Variants in ADAMTS13 observed in about 807,000 individuals in gnomAD.
ADAMTS13 encodes ADAM metallopeptidase with thrombospondin type 1 motif 13.
A neutral mutation model predicts 155.1 loss-of-function variants in ADAMTS13; 110 were observed. The ratio of observed to expected loss-of-function variants is 0.71; its 90% CI spans 0.61 to 0.83. ADAMTS13 has a LOEUF of 0.83. Among genes scored for constraint, ADAMTS13 ranks in the 40% least tolerant of loss-of-function variants. ADAMTS13 has a pLI of 0.00. For missense variants in ADAMTS13, 1,707 were observed against 1,891.7 expected (o/e 0.90, Z 1.81); for synonymous variants, 758 against 756.4 (o/e 1.00, Z -0.03).
intron 7 of ADAMTS13, among the ~76,000 whole-genome samples, chr9:133,429,039 CG>C (rs1840504576): frequency 6.6e-6 from 1 of 151,346 alleles, no homozygotes; most frequent in Non-Finnish European, 1.5e-5. Flanking sequence ...GTCCCCACTC[CG>C]CATTCAGCCC....
intron 11 of ADAMTS13, among the ~76,000 whole-genome samples, chr9:133,434,866 T>A (rs782673872): frequency 3.9e-5 from 6 of 152,188 alleles, no homozygotes; most frequent in Non-Finnish European, 7.4e-5. Context: ...ACATGCCACG[T>A]ACCTGAGGCC....
At chr9:133,443,232 C>A (rs1841810837) in intron 18 of ADAMTS13, 144 bp from the exon 19 acceptor site, 1 of 1,043,660 alleles carries the variant, frequency 9.6e-7, no homozygotes, top group South Asian at 1.4e-5. Flanking sequence ...CGTCTGGCAG[C>A]CTGGGAACAC....
intron 21 of ADAMTS13, among the ~76,000 whole-genome samples, chr9:133,448,147 G>T (rs1289243986): frequency 6.6e-6 from 1 of 151,830 alleles, no homozygotes; most frequent in Non-Finnish European, 1.5e-5. Context: ...GCACCACCAC[G>T]CTCAGCTAAT....
chr9:133,429,801 G>A, intron 7 of ADAMTS13, 138 bp from the exon 8 acceptor site: 2 of 1,181,508 alleles, frequency 1.7e-6, no homozygotes, highest in Non-Finnish European at 1.2e-6. Context: ...GGTGGGGGGC[G>A]CGGGCCGAGA....
At chr9:133,423,613 C>T (rs1212299045) in intron 2 of ADAMTS13, among the ~76,000 whole-genome samples, 1 of 152,236 alleles carries the variant, frequency 6.6e-6, no homozygotes. Flanking sequence ...TGTCTGTGAC[C>T]TTCTCCGGTG....
chr9:133,418,242 C>G, upstream of ADAMTS13: 5 of 277,862 alleles, frequency 1.8e-5, no homozygotes, highest in South Asian at 2.1e-4. Context: ...CGGAAGGGAA[C>G]TGGGGGGCCG....
intron 1 of ADAMTS13, chr9:133,415,837 G>T (rs587661592): frequency 1.3e-5 from 2 of 152,166 alleles, no homozygotes; most frequent in African/African-American, 2.4e-5. Flanking sequence ...GGCTGCCCAC[G>T]GGAATTTGAC....
chr9:133,448,717 G>GTGCCC lies in ADAMTS13; in HGVS notation c.2854_2858dup (p.Arg954LeufsTer13). 6.2e-7 allele frequency: 1 copy of GTGCCC among 1,601,714 alleles called. No homozygotes were observed. The highest frequency in any genetic ancestry group is 8.5e-7 in the Non-Finnish European group (1 of 1,179,802). On this transcript the variant is annotated frameshift_variant, in exon 22 of 29. Transcript: ENST00000355699. LOFTEE classifies it high-confidence loss of function. ...GGCGGGAGGTCTGCCAGGCTGTCCC[G>GTGCCC]TGCCCTGCTCGGTGAGTGAGGGGAG...
chr9:133,450,192 G>A (rs1031163226), intron 23 of ADAMTS13, among the ~76,000 whole-genome samples: 1 of 152,152 alleles, frequency 6.6e-6, no homozygotes, highest in East Asian at 1.9e-4. Context: ...CAGCGCTATG[G>A]AAGGCTGAAG....
intron 11 of ADAMTS13, 51 bp from the exon 12 acceptor site, chr9:133,436,778 A>ACCCCCCCCCCCCCCCCCCCCCCTC: frequency 2.3e-6 from 1 of 433,948 alleles, no homozygotes; most frequent in South Asian, 1.6e-5. Context: ...CAGTGACAAC[A>ACCCCCCCCCCCCCCCCCCCCCCTC]CCCGCCCCCC....
Position 133,445,636 on chromosome 9 carries a change from G to A in ADAMTS13, c.2611-63G>A. On this transcript the variant is annotated intron_variant, in intron 20 of 28. Transcript: ENST00000355699. This position sits in a 1 kb window ranked among gnomAD's most constrained non-coding sequence, Gnocchi z 5.0. ...CTCTGCTGCTGCCTGAGAAGATCGA[G>A]ACGGGGATCGCTGGGTCCTCAGAGG... is the stretch of plus-strand genomic sequence containing the variant. 6.2e-7 allele frequency: 1 copy of A among 1,611,184 alleles called. No homozygotes were observed. Among genetic ancestry groups the A allele is most frequent in the Non-Finnish European group, 8.5e-7 (1 of 1,179,564 alleles).
chr9:133,435,408 G>A (rs1473065712), intron 11 of ADAMTS13, among the ~76,000 whole-genome samples: 6 of 151,600 alleles, frequency 4.0e-5, no homozygotes, highest in Admixed American at 3.3e-4. Context: ...AGGATGGTCT[G>A]GATCTCCTGA....
rs1554790059 is a variant in ADAMTS13, at chr9:133,439,440, C to A, written c.1780C>A (p.His594Asn). Reference protein sequence around the residue: ...YIANHRPLFTHLAVRIGGRYV... With the variant: ...YIANHRPLFTNLAVRIGGRYV... ...TGCCAACCACAGGCCTCTCTTCACA[C>A]ACTTGGGTGAGTTGACTGGAGGACT... The change falls in exon 15 of 29, where the codon CAC becomes AAC. Residue 594 changes from histidine to asparagine, a missense_variant. Transcript: ENST00000355699. 1 of 1,613,908 alleles carries A rather than the reference C, an allele frequency of 6.2e-7. No homozygotes were observed.
At position 133,445,533 on chromosome 9, in the gene ADAMTS13, G is replaced by A. The variant is rs1841999789; in HGVS notation, c.2611-166G>A. Among the ~76,000 whole-genome samples the A allele has an allele frequency of 6.6e-6, 1 of 152,206 alleles. No homozygotes were observed. The highest frequency in any genetic ancestry group is 1.5e-5 in the Non-Finnish European group (1 of 68,020). ...GGTGGGGTGTGCAGCAAGGATACCC[G>A]CTGCGAGACCGGGGAGCCGATCTCG... On this transcript the variant is annotated intron_variant, in intron 20 of 28. Transcript: ENST00000355699. This position sits in a 1 kb window ranked among gnomAD's most constrained non-coding sequence, Gnocchi z 5.0.
In ADAMTS13 at chr9:133,440,480, G is replaced by A. The variant is rs977615435; in HGVS notation, c.1923G>A (p.Glu641=). 2 of 1,613,044 alleles carry A rather than the reference G, an allele frequency of 1.2e-6. No homozygotes were observed. Among genetic ancestry groups the A allele is most frequent in the Admixed American group, 1.7e-5 (1 of 59,998 alleles). Residue 641 remains glutamate (E), a synonymous_variant, in exon 16 of 29, where the codon GAG becomes GAA. Coordinates refer to ENST00000355699, the MANE Select transcript of ADAMTS13 (RefSeq NM_139027.6). This position sits in a 1 kb window ranked among gnomAD's most constrained non-coding sequence, Gnocchi z 4.3. ...ALTEDRLPRL[E]EIRIWGPLQE... ...CCGAGGACCGGCTGCCCCGCCTGGA[G>A]GAGATCCGCATCTGGGGACCCCTCC...
upstream of ADAMTS13, among the ~76,000 whole-genome samples, chr9:133,419,870 C>G (rs1358778770): frequency 3.3e-5 from 5 of 151,082 alleles, no homozygotes; most frequent in African/African-American, 1.2e-4. Context: ...TCCTGGGTAG[C>G]TGGAACTACA....
intron 15 of ADAMTS13, among the ~76,000 whole-genome samples, 159 bp downstream of exon 15, chr9:133,439,605 C>A (rs1554790120): frequency 6.6e-6 from 1 of 152,256 alleles, no homozygotes; most frequent in Non-Finnish European, 1.5e-5. Context: ...CCAGAGCTCA[C>A]TGAGAGCTGT....
chr9:133,415,265 T>C (rs1038734050), intron 1 of ADAMTS13, among the ~76,000 whole-genome samples: 2 of 152,140 alleles, frequency 1.3e-5, no homozygotes, highest in Non-Finnish European at 2.9e-5. Flanking sequence ...CCTTCATGCA[T>C]ACAAAATGTC....
rs782301837 is a variant in ADAMTS13, at chr9:133,442,645, C to A, written c.2136C>A (p.Asp712Glu). The A allele has an allele frequency of 6.2e-7, 1 of 1,613,256 alleles. No individual in the cohort carries two copies. Among genetic ancestry groups the A allele is most frequent in the Non-Finnish European group, 8.5e-7 (1 of 1,180,022 alleles). ...GCTGGGTAAACTACAGCTGCCTGGA[C>A]CAGGCCAGGAAGGAGTTGGTGGAGA... ...GLRWVNYSCL[D>E]QARKELVETV... Residue 712 changes from aspartate to glutamate, a missense_variant, in exon 18 of 29, where the codon GAC (aspartate) becomes GAA (glutamate). This residue lies in a region of ADAMTS13 where 961 missense variants were observed against 1,107.9 expected (regional missense o/e 0.87). Transcript: ENST00000355699.
Sources: gnomAD v4.1 joint callset for allele counts (sites outside exome capture counted in the v4.1 genomes callset) on GRCh38, gnomAD v4.1.1 for gene constraint, gnomAD v4.1.1 regional missense constraint, Gnocchi (gnomAD v3.1) non-coding constraint, MANE v1.5 for transcripts, NCBI Gene and HGNC (gene_info 2026-07-23, HGNC 2026-07-21) for gene names.